Variants in PCSK6 observed in about 807,000 individuals in gnomAD.
The protein encoded by PCSK6 is proprotein convertase subtilisin/kexin type 6.
A neutral mutation model predicts 123.3 loss-of-function variants in PCSK6; 85 were observed. The ratio of observed to expected loss-of-function variants is 0.69; its 90% CI spans 0.58 to 0.83. PCSK6 has a LOEUF of 0.83. Among genes scored for constraint, PCSK6 ranks in the 40% least tolerant of loss-of-function variants. PCSK6 has a pLI of 0.00. For synonymous variants in PCSK6, 508 were observed against 516.0 expected (o/e 0.98, Z 0.21); for missense variants, 1,191 against 1,282.3 (o/e 0.93, Z 1.09).
chr15:101,366,766 G>A (rs1477055080), intron 12 of PCSK6, among the ~76,000 whole-genome samples: 1 of 152,158 alleles, frequency 6.6e-6, no homozygotes, highest in African/African-American at 2.4e-5. Flanking sequence ...GGGTCCCCCT[G>A]GGGTACCTTC....
At chr15:101,337,351 C>T (rs2040505796) in intron 13 of PCSK6, 1 of 152,146 alleles carries the variant, frequency 6.6e-6, no homozygotes, top group South Asian at 2.1e-4. Flanking sequence ...CCAAGGGAGT[C>T]ACTTTGGTTT....
chr15:101,403,612 C>T (rs573323809), intron 6 of PCSK6, among the ~76,000 whole-genome samples: 18 of 152,220 alleles, frequency 1.2e-4, no homozygotes, highest in Admixed American at 3.9e-4. Flanking sequence ...AGAACAAGAA[C>T]GTGACCCACT....
chr15:101,336,014 A>T (rs1380033419), intron 13 of PCSK6, among the ~76,000 whole-genome samples: 2 of 152,230 alleles, frequency 1.3e-5, no homozygotes, highest in Non-Finnish European at 2.9e-5. Context: ...ACGACATTAG[A>T]ATCTTATGCA....
chr15:101,376,834 C>T (rs913094816), intron 11 of PCSK6, among the ~76,000 whole-genome samples: 3 of 152,166 alleles, frequency 2.0e-5, no homozygotes, highest in African/African-American at 7.2e-5. Flanking sequence ...CTGCACAGCA[C>T]CCCACAGATC....
Position 101,427,987 on chromosome 15 carries a change from C to G in PCSK6, c.735-7G>C. The G allele has an allele frequency of 6.4e-7, 1 of 1,564,422 alleles. No individual in the cohort carries two copies. The highest frequency in any genetic ancestry group is 8.7e-7 in the Non-Finnish European group (1 of 1,153,920). On this transcript the variant is annotated splice_region_variant and splice_polypyrimidine_tract_variant and intron_variant, in intron 5 of 21. Coordinates refer to ENST00000611716, the MANE Select transcript of PCSK6 (RefSeq NM_002570.5). ...CGCACAACGAGTGCCGTGTCTGAAA[C>G]AAAGGAAAAAACCAAGTGAGGACGC...
chr15:101,389,806 G>A (rs1214987615), intron 8 of PCSK6, among the ~76,000 whole-genome samples: 4 of 152,184 alleles, frequency 2.6e-5, no homozygotes, highest in African/African-American at 7.2e-5. Context: ...AGCACAGACC[G>A]TACGCTTTGA....
At chr15:101,437,345 G>T (rs1040023917) in intron 2 of PCSK6, among the ~76,000 whole-genome samples, 1 of 152,228 alleles carries the variant, frequency 6.6e-6, no homozygotes, top group Non-Finnish European at 1.5e-5. Flanking sequence ...TCACCTAGGG[G>T]TGGGGCCGGG....
chr15:101,455,471 G>A (rs143601797), intron 1 of PCSK6, among the ~76,000 whole-genome samples: 186 of 152,364 alleles, frequency 1.2e-3, no homozygotes, highest in Non-Finnish European at 2.4e-3. Context: ...ACCTGACCGG[G>A]ACTGACAGTC....
intron 13 of PCSK6, chr15:101,334,508 A>G (rs944851209): frequency 6.6e-6 from 1 of 152,192 alleles, no homozygotes; most frequent in Non-Finnish European, 1.5e-5. Flanking sequence ...GCAGAAAACA[A>G]GCCTGGTGAG....
At chr15:101,484,439 G>A (rs563938438) in intron 1 of PCSK6, among the ~76,000 whole-genome samples, 2 of 151,492 alleles carry the variant, frequency 1.3e-5, no homozygotes, top group East Asian at 3.9e-4. Flanking sequence ...CCAGACTGGA[G>A]TGCAGTCCTG....
At chr15:101,417,912 G>A (rs991202843) in intron 6 of PCSK6, among the ~76,000 whole-genome samples, 8 of 151,448 alleles carry the variant, frequency 5.3e-5, no homozygotes, top group Non-Finnish European at 1.2e-4. Context: ...GGTTATATGT[G>A]CAAATTTATT....
intron 20 of PCSK6, among the ~76,000 whole-genome samples, chr15:101,311,221 C>G (rs2039853863): frequency 6.6e-6 from 1 of 151,986 alleles, no homozygotes; most frequent in South Asian, 2.1e-4. Context: ...AGCGATTCTC[C>G]TGCCTCAGCC....
intron 11 of PCSK6, 71 bp from the exon 12 acceptor site, chr15:101,370,594 C>T (rs1313561457): frequency 3.0e-6 from 4 of 1,348,986 alleles, no homozygotes; most frequent in East Asian, 5.5e-5. Flanking sequence ...CCAGGAGCTC[C>T]AGCGCCCGTC....
chr15:101,430,999 G>GTCA (rs1193735918), intron 4 of PCSK6, among the ~76,000 whole-genome samples: 2 of 152,214 alleles, frequency 1.3e-5, no homozygotes, highest in African/African-American at 4.8e-5. Context: ...TTTTCACACT[G>GTCA]TCACCCTGTC....
Position 101,432,893 on chromosome 15 carries a change from A to G in PCSK6, c.403-793T>C, listed in dbSNP as rs930053804. Among the ~76,000 whole-genome samples, 103 of 152,380 alleles carry G rather than the reference A, an allele frequency of 6.8e-4. 1 individual carries two copies. The highest frequency in any genetic ancestry group is 2.4e-3 in the African/African-American group (99 of 41,578). On this transcript the variant is annotated intron_variant, in intron 2 of 21. Coordinates refer to ENST00000611716, the MANE Select transcript of PCSK6 (RefSeq NM_002570.5). ...GGAATATTTGGCAGCCACCAGCAAT[A>G]TGGTACCAAAACATGCACAGAGAAA...
At chr15:101,423,108 A>G (rs2056137878) in intron 6 of PCSK6, among the ~76,000 whole-genome samples, 1 of 152,228 alleles carries the variant, frequency 6.6e-6, no homozygotes, top group Non-Finnish European at 1.5e-5. Context: ...AATTAAGTGC[A>G]AAAGACTTTA....
chr15:101,372,574 G>A (rs567950879), intron 11 of PCSK6, among the ~76,000 whole-genome samples: 1 of 152,248 alleles, frequency 6.6e-6, no homozygotes, highest in African/African-American at 2.4e-5. Context: ...GCTCTGGGGA[G>A]TTCCAGGACC....
chr15:101,333,841 C>G (rs890710887), intron 13 of PCSK6, among the ~76,000 whole-genome samples: 1 of 152,180 alleles, frequency 6.6e-6, no homozygotes, highest in Non-Finnish European at 1.5e-5. Context: ...CCCACTGGTG[C>G]GATTCGAAAT....
At chr15:101,359,985 A>G (rs946853778) in intron 13 of PCSK6, among the ~76,000 whole-genome samples, 1 of 152,106 alleles carries the variant, frequency 6.6e-6, no homozygotes, top group Non-Finnish European at 1.5e-5. Context: ...TCTTCTCTCC[A>G]GCATCTTCCC....
Sources: gnomAD v4.1 joint callset for allele counts (sites outside exome capture counted in the v4.1 genomes callset) on GRCh38, gnomAD v4.1.1 for gene constraint, MANE v1.5 for transcripts, NCBI Gene and HGNC (gene_info 2026-07-23, HGNC 2026-07-21) for gene names.